The following PACS2 variants were observed in gnomAD, a reference collection of about 807,000 sequenced individuals.
PACS2 encodes the protein PACS1-like protein.
In PACS2, 36 loss-of-function variants were observed where a neutral mutation model predicts 113.0. That is an observed-to-expected ratio of 0.32 (90% CI 0.24 to 0.42). The LOEUF is 0.42. PACS2 is among the 10% of genes least tolerant of loss of function. The probability of loss-of-function intolerance (pLI) is 1.00; values close to 1 mark genes in which losing one functional copy is unlikely to be tolerated. For synonymous variants in PACS2, 589 were observed against 536.1 expected, an observed-to-expected ratio of 1.10 and a Z score of -1.36; for missense variants, 1,015 against 1,239.5, an observed-to-expected ratio of 0.82 and a Z score of 2.72.
chr14:105,387,749 G>C (rs1555413937), intron 19 of PACS2, among the ~76,000 whole-genome samples: 1 of 152,240 alleles, frequency 6.6e-6, no homozygotes, highest in African/African-American at 2.4e-5. Flanking sequence ...TCGGAGCAGA[G>C]CATGGATGGG....
chr14:105,385,373 G>A (rs2081140324), intron 18 of PACS2, among the ~76,000 whole-genome samples: 1 of 152,214 alleles, frequency 6.6e-6, no homozygotes, highest in Admixed American at 6.5e-5. Flanking sequence ...CGGGCCCTGT[G>A]GGTGAGTGAT....
chr14:105,354,230 C>T lies in PACS2; in HGVS notation c.298-822C>T, dbSNP rs1350104226. ...TCGGGAGGCTGAGGCAGGAGGATTGCTTGAACCCAGGAGGTGGAGGTGACA... is the reference window on the plus strand; with the variant it reads ...TCGGGAGGCTGAGGCAGGAGGATTGTTTGAACCCAGGAGGTGGAGGTGACA... On this transcript the variant is annotated intron_variant, in intron 3 of 24. Coordinates refer to ENST00000447393, the MANE Select transcript of PACS2 (RefSeq NM_001100913.3). This position sits in a 1 kb window ranked among gnomAD's most constrained non-coding sequence, Gnocchi z 4.2. 6.6e-6 allele frequency among the ~76,000 whole-genome samples: 1 copy of T among 152,160 alleles called. No homozygotes were observed. The highest frequency in any genetic ancestry group is 1.5e-5 in the Non-Finnish European group (1 of 68,028).
chr14:105,349,729 C>T (rs1435612725), intron 2 of PACS2, among the ~76,000 whole-genome samples: 1 of 152,292 alleles, frequency 6.6e-6, no homozygotes, highest in Non-Finnish European at 1.5e-5. Context: ...TAGCAGCAGC[C>T]TACATCTGCG....
rs1184999441 is a variant in PACS2 at position 105,366,655 on chromosome 14, G to A, written c.424-558G>A. Among the ~76,000 whole-genome samples the A allele has an allele frequency of 6.6e-5, 10 of 152,188 alleles. No homozygotes were observed. Among genetic ancestry groups the A allele is most frequent in the Admixed American group, 4.6e-4 (7 of 15,286 alleles). On this transcript the variant is annotated intron_variant, in intron 4 of 24. Transcript: ENST00000447393. The surrounding 1 kb of genome is among the most constrained non-coding windows in gnomAD (Gnocchi z 4.3). ...GGTGTCTCCTGCTGCTGGAGATTCCGGCCTGGCTGAGAGTGCTGGGCTCCT... is the reference window on the plus strand; with the variant it reads ...GGTGTCTCCTGCTGCTGGAGATTCCAGCCTGGCTGAGAGTGCTGGGCTCCT...
chr14:105,302,428 C>A (rs967021862), intron 1 of PACS2, among the ~76,000 whole-genome samples: 2 of 151,902 alleles, frequency 1.3e-5, no homozygotes, highest in Non-Finnish European at 2.9e-5. Context: ...GTCTTGAACT[C>A]CCGACCTCAG....
chr14:105,310,646 G>C (rs1412459524), upstream of PACS2, among the ~76,000 whole-genome samples: 1 of 152,116 alleles, frequency 6.6e-6, no homozygotes, highest in Admixed American at 6.5e-5. Context: ...TGCACGTTTG[G>C]TTTTTTCAGG....
At chr14:105,386,560 C>T (rs1379717990) in intron 19 of PACS2, among the ~76,000 whole-genome samples, 1 of 152,178 alleles carries the variant, frequency 6.6e-6, no homozygotes, top group Non-Finnish European at 1.5e-5. Flanking sequence ...CAGGTGTGTC[C>T]TGCTGCAGGG....
upstream of PACS2, among the ~76,000 whole-genome samples, chr14:105,313,987 A>C (rs1360197116): frequency 1.3e-5 from 2 of 152,244 alleles, no homozygotes; most frequent in South Asian, 4.1e-4. Context: ...TTTGTTCTCC[A>C]TTGTCCTGAG....
At chr14:105,304,566 C>T (rs1368061107) in intron 1 of PACS2, among the ~76,000 whole-genome samples, 1 of 152,214 alleles carries the variant, frequency 6.6e-6, no homozygotes, top group Non-Finnish European at 1.5e-5. Context: ...GTGCGTGCTG[C>T]CAGAACTAAG....
chr14:105,369,771 G>A (rs1595723226), intron 7 of PACS2, 70 bp from the exon 8 acceptor site: 8 of 1,392,982 alleles, frequency 5.7e-6, no homozygotes, highest in Admixed American at 2.0e-5. Context: ...GCCTGGGCCT[G>A]AGGAAGGGGC....
upstream of PACS2, among the ~76,000 whole-genome samples, chr14:105,312,842 G>C (rs1445402663): frequency 6.6e-6 from 1 of 152,184 alleles, no homozygotes; most frequent in South Asian, 2.1e-4. Context: ...GGTGTGTTTC[G>C]TGTCCCTGCT....
At chr14:105,371,014 G>A (rs1199165649) in intron 8 of PACS2, 1 of 152,270 alleles carries the variant, frequency 6.6e-6, no homozygotes, top group African/African-American at 2.4e-5. Flanking sequence ...TAACATACTC[G>A]GGATGCATCC....
At chr14:105,364,458 TGGGCGGCGTCCCGGGTGCGC>T (rs2141122696) in intron 4 of PACS2, among the ~76,000 whole-genome samples, 1 of 128,682 alleles carries the variant, frequency 7.8e-6, no homozygotes, top group Admixed American at 7.6e-5. Flanking sequence ...GGGTGCGCGG[TGGGCGGCGTCCCGGGTGCGC>T]GGTGGGTGGC....
In PACS2 at chr14:105,348,822, A is replaced by C; in HGVS notation, c.207+242A>C. On this transcript the variant is annotated intron_variant, in intron 2 of 24. Coordinates refer to ENST00000447393, the MANE Select transcript of PACS2 (RefSeq NM_001100913.3). This position sits in a 1 kb window ranked among gnomAD's most constrained non-coding sequence, Gnocchi z 6.4. The stretch of plus-strand genomic sequence containing the variant: ...GAGGTCACATGCATGGGGCCTTCCC[A>C]GGGCAGAGCTGCCCTCGAGTCACCT... The C allele has an allele frequency of 2.1e-6, 1 of 478,784 alleles. No individual in the cohort carries two copies. Among genetic ancestry groups the C allele is most frequent in the Admixed American group, 3.5e-5 (1 of 28,708 alleles). 29.7% of individuals were successfully genotyped at this position (478,784 alleles called of 1,614,324 possible). A position where few individuals can be genotyped will look rare whatever the true frequency, so the allele number is the denominator to read the frequency against.
At chr14:105,352,940 TC>T (rs2060264488) in intron 3 of PACS2, among the ~76,000 whole-genome samples, 1 of 32,460 alleles carries the variant, frequency 3.1e-5, no homozygotes, top group Non-Finnish European at 5.8e-5. Context: ...TGGGCCCCCC[TC>T]ATCAGTGTCC....
chr14:105,342,184 T>G (rs1268965109), intron 1 of PACS2, among the ~76,000 whole-genome samples: 3 of 152,192 alleles, frequency 2.0e-5, no homozygotes, highest in Admixed American at 2.0e-4. Flanking sequence ...TTTGTTTGTT[T>G]GTTTGTTTAC....
intron 1 of PACS2, among the ~76,000 whole-genome samples, chr14:105,342,430 G>A (rs1451633579): frequency 6.6e-6 from 1 of 151,962 alleles, no homozygotes; most frequent in Admixed American, 6.6e-5. Context: ...ACCAAGCCCA[G>A]CTAATTTTTG....
rs61984704 is a variant in PACS2 at position 105,391,775 on chromosome 14, G to T, written c.2255+9G>T. 8.5e-3 allele frequency: 13,465 copies of T among 1,587,892 alleles called. 87 individuals are homozygous for T. Among genetic ancestry groups the T allele is most frequent in the Non-Finnish European group, 9.5e-3 (11,085 of 1,168,434 alleles). ...GGCCTGTCCTCCCCCAGGTAAAGGTGCCTCACGGCTCAGCACGTTTCACTT... is the reference window on the plus strand; with the variant it reads ...GGCCTGTCCTCCCCCAGGTAAAGGTTCCTCACGGCTCAGCACGTTTCACTT... On this transcript the variant is annotated intron_variant, in intron 22 of 24. Coordinates refer to ENST00000447393, the MANE Select transcript of PACS2 (RefSeq NM_001100913.3).
Position 105,309,229 on chromosome 14 carries a change from G to A in PACS2, c.-83+8250G>A, listed in dbSNP as rs2058277992. On this transcript the variant is annotated intron_variant, in intron 1 of 23. Transcript: ENST00000430725. The surrounding 1 kb of genome is among the most constrained non-coding windows in gnomAD (Gnocchi z 4.0). ...GAAAGAAAGAAGTGTTAAAATTTAT[G>A]CATCAAGGTCCCTCTTAATCTTGGG... is the stretch of plus-strand genomic sequence containing the variant. Among the ~76,000 whole-genome samples, 1 of 152,150 alleles carries A rather than the reference G, an allele frequency of 6.6e-6. No homozygotes were observed. Among genetic ancestry groups the A allele is most frequent in the African/African-American group, 2.4e-5 (1 of 41,424 alleles).
Sources: allele counts gnomAD v4.1 joint callset (sites outside exome capture counted in the v4.1 genomes callset), GRCh38; gene constraint gnomAD v4.1.1; non-coding constraint Gnocchi (gnomAD v3.1); transcripts MANE v1.5; gene names NCBI Gene and HGNC (gene_info 2026-07-23, HGNC 2026-07-21).